KIAA1671: variants seen among roughly 807,000 people sequenced by gnomAD.
KIAA1671 encodes the protein KIAA1671, also known as uncharacterized protein KIAA1671.
In KIAA1671, 52 loss-of-function variants were observed where a neutral mutation model predicts 131.2. That is an observed-to-expected ratio of 0.40 (90% CI 0.32 to 0.50). The LOEUF (loss-of-function observed/expected upper bound fraction) is 0.50. Ranked by LOEUF, KIAA1671 falls within the 20% of genes least tolerant of loss-of-function variation. KIAA1671 has a pLI of 0.73. For missense variants in KIAA1671, 2,360 were observed against 2,364.2 expected (o/e 1.00, Z 0.04); for synonymous variants, 1,003 against 961.6 (o/e 1.04, Z -0.80).
intron 9 of KIAA1671, among the ~76,000 whole-genome samples, chr22:25,180,996 G>T (rs1205442157): frequency 6.6e-6 from 1 of 152,210 alleles, no homozygotes; most frequent in Non-Finnish European, 1.5e-5. Flanking sequence ...GGAAGGCTGG[G>T]TCTGTGTTTT....
intron 7 of KIAA1671, among the ~76,000 whole-genome samples, chr22:25,172,103 T>C (rs185292610): frequency 6.6e-6 from 1 of 152,328 alleles, no homozygotes; most frequent in Admixed American, 6.5e-5. Flanking sequence ...TGTTTAGTTA[T>C]GAGCTTACTT....
chr22:25,149,853 C>T lies in KIAA1671; in HGVS notation c.4531-20967C>T, dbSNP rs892463912. 3.9e-5 allele frequency among the ~76,000 whole-genome samples: 6 copies of T among 152,164 alleles called. No individual in the cohort carries two copies. The East Asian group carries it at 1.2e-3, about 29-fold the overall frequency. ...CTTTGCCCTAACTGCTCTTTCCCTT[C>T]CCTGGCTAATTCTTAGTCTTCATTA... On this transcript the variant is annotated intron_variant, in intron 6 of 12. Coordinates refer to ENST00000358431, the MANE Select transcript of KIAA1671 (RefSeq NM_001145206.2).
intron 1 of KIAA1671, among the ~76,000 whole-genome samples, chr22:25,003,400 A>ATTTT (rs71191013): frequency 7.9e-5 from 9 of 113,846 alleles, no homozygotes; most frequent in African/African-American, 2.5e-4. Flanking sequence ...ACTTGGAGAG[A>ATTTT]TTTTTTTTTT....
intron 1 of KIAA1671, chr22:25,023,176 C>A (rs1339150382): frequency 1.3e-5 from 2 of 151,852 alleles, no homozygotes; most frequent in Non-Finnish European, 2.9e-5. Context: ...CCATTGCACT[C>A]TAGCCTGCGT....
At position 25,170,909 on chromosome 22, in the gene KIAA1671, G is replaced by A. The variant is rs916290152; in HGVS notation, c.4620G>A (p.Thr1540=). The stretch of plus-strand genomic sequence containing the variant: ...ACGAAGCCGGCAGCCAGTATGGGAC[G>A]TGGACAGAGCAGTGCCAGAGTGGGG... ...LVHEAGSQYG[T]WTEQCQSGES... Residue 1540 remains threonine (T), a synonymous_variant, in exon 7 of 13, where the codon ACG becomes ACA. Coordinates refer to ENST00000358431, the MANE Select transcript of KIAA1671 (RefSeq NM_001145206.2). 2.0e-5 allele frequency: 31 copies of A among 1,551,536 alleles called. No individual in the cohort carries two copies. Among genetic ancestry groups the A allele is most frequent in the African/African-American group, 2.7e-5 (2 of 73,038 alleles).
intron 6 of KIAA1671, among the ~76,000 whole-genome samples, chr22:25,121,461 CAAA>C (rs374457851): frequency 1.3e-4 from 8 of 61,288 alleles, no homozygotes; most frequent in Admixed American, 1.8e-4. Context: ...GACTCCATCT[CAAA>C]AAAAAAAAAA....
intron 6 of KIAA1671, among the ~76,000 whole-genome samples, chr22:25,105,820 G>GGC (rs1491358891): frequency 5.1e-4 from 3 of 5,860 alleles, no homozygotes; most frequent in Non-Finnish European, 1.3e-3. Context: ...GTATGAAGTT[G>GGC]GGGGGGGGGG....
At chr22:24,977,369 G>T (rs1161430192) in intron 1 of KIAA1671, among the ~76,000 whole-genome samples, 1 of 152,172 alleles carries the variant, frequency 6.6e-6, no homozygotes, top group Non-Finnish European at 1.5e-5. Context: ...ATGCGCTGTT[G>T]TCTGCTCCCC....
At chr22:25,104,874 G>C (rs768265865) in intron 6 of KIAA1671, among the ~76,000 whole-genome samples, 11 of 152,138 alleles carry the variant, frequency 7.2e-5, no homozygotes, top group Non-Finnish European at 1.5e-4. Flanking sequence ...TAATGGCTAA[G>C]AATCAGATAG....
chr22:25,144,617 A>G (rs1932850320), intron 6 of KIAA1671, among the ~76,000 whole-genome samples: 1 of 152,232 alleles, frequency 6.6e-6, no homozygotes, highest in Admixed American at 6.5e-5. Flanking sequence ...GGCGAATCAG[A>G]TTTAACAAAC....
At chr22:24,953,165 AAGGGTGATTCGAGACTGGG>A (rs2123786670) in intron 1 of KIAA1671, among the ~76,000 whole-genome samples, 1 of 152,028 alleles carries the variant, frequency 6.6e-6, no homozygotes, top group East Asian at 1.9e-4. Flanking sequence ...GGTGACGGCG[AAGGGTGATTCGAGACTGGG>A]AGCGAGAGGA....
At chr22:25,030,033 T>C (rs1926192093) in intron 3 of KIAA1671, among the ~76,000 whole-genome samples, 1 of 152,260 alleles carries the variant, frequency 6.6e-6, no homozygotes, top group Non-Finnish European at 1.5e-5. Flanking sequence ...AATACTGATA[T>C]TCTACGTCAT....
At chr22:25,088,877 TAC>T (rs146396284) in intron 6 of KIAA1671, among the ~76,000 whole-genome samples, 2,693 of 151,168 alleles carry the variant, frequency 0.018, 34 homozygotes, top group Middle Eastern at 0.052. Flanking sequence ...TGTACATATG[TAC>T]ACACACACAC....
chr22:24,997,116 A>G (rs923669969), intron 1 of KIAA1671, among the ~76,000 whole-genome samples: 3 of 152,224 alleles, frequency 2.0e-5, no homozygotes, highest in Non-Finnish European at 4.4e-5. Context: ...TACCCATCAC[A>G]TGCCAGGCAA....
At chr22:24,985,988 C>CGT (rs951238363) in intron 1 of KIAA1671, among the ~76,000 whole-genome samples, 1 of 151,336 alleles carries the variant, frequency 6.6e-6, no homozygotes, top group Non-Finnish European at 1.5e-5. Flanking sequence ...GACTTGTGTG[C>CGT]GTGTGTGTGT....
intron 6 of KIAA1671, among the ~76,000 whole-genome samples, chr22:25,072,793 G>A (rs904448351): frequency 2.6e-5 from 4 of 152,172 alleles, no homozygotes; most frequent in African/African-American, 9.7e-5. Context: ...CCTAGAAGCT[G>A]CTCCCAGAAT....
intron 6 of KIAA1671, among the ~76,000 whole-genome samples, chr22:25,167,670 G>C (rs1219869986): frequency 6.6e-6 from 1 of 152,174 alleles, no homozygotes; most frequent in African/African-American, 2.4e-5. Flanking sequence ...AGACAGAAAA[G>C]CTTCTACAGA....
chr22:25,112,067 A>G, intron 6 of KIAA1671: 1 of 397,826 alleles, frequency 2.5e-6, no homozygotes, highest in Non-Finnish European at 4.4e-6. Context: ...TCCTCCAAGC[A>G]AGCCCAAAAC....
intron 1 of KIAA1671, among the ~76,000 whole-genome samples, chr22:24,976,697 C>A (rs1395673108): frequency 1.3e-5 from 2 of 152,226 alleles, no homozygotes; most frequent in African/African-American, 4.8e-5. Flanking sequence ...GCCTGCTCCC[C>A]ACATGCTGGG....
Sources: allele counts gnomAD v4.1 joint callset (sites outside exome capture counted in the v4.1 genomes callset), GRCh38; gene constraint gnomAD v4.1.1; transcripts MANE v1.5; gene names NCBI Gene and HGNC (gene_info 2026-07-23, HGNC 2026-07-21).